Variants in HNRNPU observed in about 807,000 individuals in gnomAD.
HNRNPU encodes heterogeneous nuclear ribonucleoprotein U, also known as HNRNPU antisense RNA 1.
HNRNPU carries 5 observed loss-of-function variants against 94.7 expected under a neutral mutation model. The observed-to-expected ratio is 0.05, with a 90% CI of 0.03 to 0.11. HNRNPU has a LOEUF of 0.11. Among genes scored for constraint, HNRNPU ranks in the 10% least tolerant of loss-of-function variants. The probability of loss-of-function intolerance (pLI) is 1.00; values close to 1 mark genes in which losing one functional copy is unlikely to be tolerated. For synonymous variants in HNRNPU, 434 were observed against 381.6 expected (o/e 1.14, Z -1.60); for missense variants, 710 against 1,049.2 (o/e 0.68, Z 4.47).
chr1:244,850,717 C>T lies in HNRNPU; in HGVS notation c.*3733G>A, dbSNP rs1001114629. On this transcript the variant is annotated 3_prime_UTR_variant, in exon 14 of 14. Coordinates refer to ENST00000640218, the MANE Select transcript of HNRNPU (RefSeq NM_031844.3). ...ATTGCAACCTATTGTCAGGCCTTAA[C>T]ATGTATGTGTTTGCTTTTATTATTA... 6.6e-6 allele frequency: 1 copy of T among 152,124 alleles called. No individual in the cohort carries two copies. Among genetic ancestry groups the T allele is most frequent in the Admixed American group, 6.5e-5 (1 of 15,276 alleles). 9.4% of individuals were successfully genotyped at this position (152,124 alleles called of 1,614,324 possible). A position where few individuals can be genotyped will look rare whatever the true frequency, so the allele number is the denominator to read the frequency against.
chr1:244,862,865 T>C, intron 1 of HNRNPU, 135 bp from the exon 2 acceptor site: 11 of 703,148 alleles, frequency 1.6e-5, no homozygotes, highest in Non-Finnish European at 2.6e-5. Context: ...AAATGTGAAT[T>C]CAAAGAACAA....
Position 244,855,347 on chromosome 1 carries a change from A to G in HNRNPU, c.2352+77T>C, listed in dbSNP as rs1680649577. The stretch of plus-strand genomic sequence containing the variant: ...CATGTTCCTTACGGATTACTAAGAC[A>G]CCCCAACATAAAGCTCACACCTTTC... On this transcript the variant is annotated intron_variant, in intron 12 of 13. Coordinates refer to ENST00000640218, the MANE Select transcript of HNRNPU (RefSeq NM_031844.3). 4 of 1,349,716 alleles carry G rather than the reference A, an allele frequency of 3.0e-6. No individual in the cohort carries two copies. In the East Asian group the frequency reaches 9.2e-5, roughly 31 times the overall value. 83.6% of individuals were successfully genotyped at this position (1,349,716 alleles called of 1,614,324 possible).
rs1214426640 is a variant in HNRNPU at position 244,864,215 on chromosome 1, C to T, written c.93G>A (p.Lys31=). The T allele has an allele frequency of 6.2e-7, 1 of 1,612,340 alleles. No individual in the cohort carries two copies. The highest frequency in any genetic ancestry group is 8.5e-7 in the Non-Finnish European group (1 of 1,179,460). Residue 31 remains lysine (K), a synonymous_variant, in exon 1 of 14, where the codon AAG becomes AAA. Coordinates refer to ENST00000640218, the MANE Select transcript of HNRNPU (RefSeq NM_031844.3). The part of the protein sequence containing the change: ...KKRRLSDKGL[K]AELMERLQAA... ...CCTGGAGTCGCTCCATGAGCTCGGC[C>T]TTGAGACCCTTGTCAGAAAGGCGTC...
rs765604666 is a variant in HNRNPU at position 244,857,992 on chromosome 1, A to G, written c.1494+19T>C. On this transcript the variant is annotated intron_variant, in intron 7 of 13. Coordinates refer to ENST00000640218, the MANE Select transcript of HNRNPU (RefSeq NM_031844.3). ...AGCAATATTCAAATGCCACAGTTAA[A>G]AAAAAAAAAATCCCTTACTTCACAA... 59 of 1,552,138 alleles carry G rather than the reference A, an allele frequency of 3.8e-5. No individual in the cohort carries two copies. Among genetic ancestry groups the G allele is most frequent in the Non-Finnish European group, 5.0e-5 (57 of 1,149,716 alleles).
rs942892547 is a variant in HNRNPU, at chr1:244,853,815, T to TA, written c.*634dup. 6.5e-6 allele frequency: 1 copy of TA among 152,844 alleles called. No homozygotes were observed. 9.5% of individuals were successfully genotyped at this position (152,844 alleles called of 1,614,324 possible). A position where few individuals can be genotyped will look rare whatever the true frequency, so the allele number is the denominator to read the frequency against. Reference sequence around the variant, plus strand: ...TTACATTTTTAACAGCCCTTCTACATACACTCCATCTTCTCTATCTTAGTT... The same window carrying TA: ...TTACATTTTTAACAGCCCTTCTACATAACACTCCATCTTCTCTATCTTAGTT... On this transcript the variant is annotated 3_prime_UTR_variant, in exon 14 of 14. Transcript: ENST00000640218.
Position 244,853,194 on chromosome 1 carries a change from G to A in HNRNPU, c.*1256C>T, listed in dbSNP as rs530605519. ...TATGTTAAAAGTTGTCTGGGGGGGAGGGGAAGGGAAGAATTCAACTTTACT... is the reference window on the plus strand; with the variant it reads ...TATGTTAAAAGTTGTCTGGGGGGGAAGGGAAGGGAAGAATTCAACTTTACT... On this transcript the variant is annotated 3_prime_UTR_variant, in exon 14 of 14. Coordinates refer to ENST00000640218, the MANE Select transcript of HNRNPU (RefSeq NM_031844.3). The A allele has an allele frequency of 6.6e-6, 1 of 152,612 alleles. No homozygotes were observed. The highest frequency in any genetic ancestry group is 1.5e-5 in the Non-Finnish European group (1 of 67,956). The allele number at this position is 152,612 out of a possible 1,614,324, so 9.5% of individuals were successfully genotyped here.
rs1680676587 is a variant in HNRNPU at position 244,856,177 on chromosome 1, T to C, written c.1913-19A>G. 1 of 1,586,084 alleles carries C rather than the reference T, an allele frequency of 6.3e-7. No homozygotes were observed. The highest frequency in any genetic ancestry group is 8.5e-7 in the Non-Finnish European group (1 of 1,170,150). ...AAGTTTCCTGCAGGAAACAAAGTCATATTATTAATTTAGAAACCCACCACG... is the reference window on the plus strand; with the variant it reads ...AAGTTTCCTGCAGGAAACAAAGTCACATTATTAATTTAGAAACCCACCACG... On this transcript the variant is annotated intron_variant, in intron 10 of 13. Coordinates refer to ENST00000640218, the MANE Select transcript of HNRNPU (RefSeq NM_031844.3).
chr1:244,863,333 T>C (rs1246102565), intron 1 of HNRNPU, among the ~76,000 whole-genome samples: 1 of 131,724 alleles, frequency 7.6e-6, no homozygotes, highest in Non-Finnish European at 1.6e-5. Context: ...CTCCTCCCCC[T>C]ACAGCGGCAG....
In HNRNPU at chr1:244,855,412, T is replaced by G. The variant is rs766741192; in HGVS notation, c.2352+12A>C. ...GTTATCAATCATGCTTCCAGGGATC[T>G]TGAATCATTACCTGGTTGTAGTTCC... On this transcript the variant is annotated intron_variant, in intron 12 of 13. Coordinates refer to ENST00000640218, the MANE Select transcript of HNRNPU (RefSeq NM_031844.3). 6.2e-7 allele frequency: 1 copy of G among 1,611,156 alleles called. No homozygotes were observed. The highest frequency in any genetic ancestry group is 8.5e-7 in the Non-Finnish European group (1 of 1,178,544).
In HNRNPU at chr1:244,851,015, C is replaced by T. The variant is rs1218166437; in HGVS notation, c.*3435G>A. On this transcript the variant is annotated 3_prime_UTR_variant, in exon 14 of 14. Coordinates refer to ENST00000640218, the MANE Select transcript of HNRNPU (RefSeq NM_031844.3). ...CAAGAGACCAGGTCTCACTATGTTG[C>T]CCAGGATGGTCTCAAACTCCTGAGC... 6.6e-6 allele frequency: 1 copy of T among 151,946 alleles called. No individual in the cohort carries two copies. The highest frequency in any genetic ancestry group is 1.5e-5 in the Non-Finnish European group (1 of 68,010). 9.4% of individuals were successfully genotyped at this position (151,946 alleles called of 1,614,324 possible). A position where few individuals can be genotyped will look rare whatever the true frequency, so the allele number is the denominator to read the frequency against.
rs751789007 is a variant in HNRNPU at position 244,856,073 on chromosome 1, C to T, written c.1998G>A (p.Leu666=). Residue 666 remains leucine (L), a synonymous_variant, in exon 11 of 14, where the codon TTG becomes TTA. Transcript: ENST00000640218. ...TTTTGCTTTCTTCCTTATATTGCTCCAAGAGTTTTTGGGCTTCTTCCTTCT... is the reference window on the plus strand; with the variant it reads ...TTTTGCTTTCTTCCTTATATTGCTCTAAGAGTTTTTGGGCTTCTTCCTTCT... ...ELQKEEAQKL[L]EQYKEESKKA... is the part of the protein sequence containing the mutation. 1.9e-6 allele frequency: 3 copies of T among 1,613,964 alleles called. No individual in the cohort carries two copies. Among genetic ancestry groups the T allele is most frequent in the Non-Finnish European group, 2.5e-6 (3 of 1,179,946 alleles).
Position 244,858,290 on chromosome 1 carries a change from A to G in HNRNPU, c.1231-16T>C, listed in dbSNP as rs1425598423. On this transcript the variant is annotated splice_polypyrimidine_tract_variant and intron_variant, in intron 6 of 13. Coordinates refer to ENST00000640218, the MANE Select transcript of HNRNPU (RefSeq NM_031844.3). ...TTTCAAAGTTCTGTTACACAGAAAA[A>G]AATTCAACAGTTAAAATCTGCTTCC... 1 of 1,603,846 alleles carries G rather than the reference A, an allele frequency of 6.2e-7. No individual in the cohort carries two copies. Among genetic ancestry groups the G allele is most frequent in the South Asian group, 1.1e-5 (1 of 89,800 alleles).
intron 1 of HNRNPU, 46 bp from the exon 2 acceptor site, chr1:244,862,776 A>T: frequency 7.0e-7 from 1 of 1,435,244 alleles, no homozygotes; most frequent in South Asian, 1.2e-5. Context: ...CTAAACAACA[A>T]AAAAACGCTT....
chr1:244,855,881 C>A, intron 11 of HNRNPU, 23 bp downstream of exon 11: 3 of 1,612,086 alleles, frequency 1.9e-6, no homozygotes, highest in Non-Finnish European at 2.5e-6. Flanking sequence ...GAACTAAATA[C>A]AGAACACTCA....
rs1392183555 is a variant in HNRNPU at position 244,852,734 on chromosome 1, A to G, written c.*1716T>C. ...GAAAATTCCTTAGAAGTATGAATTC[A>G]TATTTATGATCTGATTTTAAAGGGC... On this transcript the variant is annotated 3_prime_UTR_variant, in exon 14 of 14. Coordinates refer to ENST00000640218, the MANE Select transcript of HNRNPU (RefSeq NM_031844.3). 6.6e-6 allele frequency: 1 copy of G among 152,228 alleles called. No individual in the cohort carries two copies. Among genetic ancestry groups the G allele is most frequent in the Non-Finnish European group, 1.5e-5 (1 of 68,016 alleles). 9.4% of individuals were successfully genotyped at this position (152,228 alleles called of 1,614,324 possible). A position where few individuals can be genotyped will look rare whatever the true frequency, so the allele number is the denominator to read the frequency against.
At position 244,855,539 on chromosome 1, in the gene HNRNPU, C is replaced by T; in HGVS notation, c.2237G>A (p.Ser746Asn). ...AGGGTATGGATAGCCGATTCCACCA[C>T]TTCCTCCACCGCCACCACCTCTCTG... The part of the protein sequence containing the change: ...MPQRGGGGGG[S>N]GGIGYPYPRA... The change falls in exon 12 of 14, where the codon AGT becomes AAT. Residue 746 changes from serine (S) to asparagine (N), a missense_variant. Ser to Asn is a conservative substitution (Grantham distance 46). This residue lies in a region of HNRNPU where 152 missense variants were observed against 238.9 expected (regional missense o/e 0.64). Transcript: ENST00000640218. 1 of 1,614,108 alleles carries T rather than the reference C, an allele frequency of 6.2e-7. No individual in the cohort carries two copies. The highest frequency in any genetic ancestry group is 8.5e-7 in the Non-Finnish European group (1 of 1,179,962).
intron 10 of HNRNPU, 138 bp from the exon 11 acceptor site, chr1:244,856,296 AC>A: frequency 8.9e-7 from 1 of 1,124,926 alleles, no homozygotes; most frequent in Non-Finnish European, 1.3e-6. Context: ...ATATGTAACA[AC>A]TGCAATTTTA....
intron 5 of HNRNPU, 188 bp from the exon 6 acceptor site, chr1:244,859,029 C>T: frequency 3.4e-6 from 2 of 580,748 alleles, no homozygotes; most frequent in Non-Finnish European, 6.1e-6. Flanking sequence ...ACGCAGAGAC[C>T]AAATTAGTTG....
intron 4 of HNRNPU, 120 bp downstream of exon 4, chr1:244,860,215 C>A: frequency 1.4e-6 from 1 of 714,618 alleles, no homozygotes; most frequent in Non-Finnish European, 2.3e-6. Context: ...CAAGGAGAAT[C>A]GCTTGAACCC....
Sources: gnomAD v4.1 joint callset for allele counts (sites outside exome capture counted in the v4.1 genomes callset) on GRCh38, gnomAD v4.1.1 for gene constraint, gnomAD v4.1.1 regional missense constraint, MANE v1.5 for transcripts, NCBI Gene and HGNC (gene_info 2026-07-23, HGNC 2026-07-21) for gene names.